The following SLC6A19 variants were observed in gnomAD, a reference collection of about 807,000 sequenced individuals.
SLC6A19 encodes solute carrier family 6 member 19.
SLC6A19 carries 67 observed loss-of-function variants against 68.3 expected under a neutral mutation model. The observed-to-expected ratio is 0.98, with a 90% CI of 0.81 to 1.20. The LOEUF (loss-of-function observed/expected upper bound fraction) is 1.20. Among genes scored for constraint, SLC6A19 ranks in the 50% most tolerant of loss-of-function variants. The probability of loss-of-function intolerance (pLI) is 0.00; values close to 1 mark genes in which losing one functional copy is unlikely to be tolerated. For synonymous variants in SLC6A19, 392 were observed against 374.9 expected (o/e 1.05, Z -0.53); for missense variants, 813 against 851.6 (o/e 0.95, Z 0.56).
At chr5:1,220,850 A>G (rs115841808) in intron 10 of SLC6A19, among the ~76,000 whole-genome samples, 1,951 of 152,268 alleles carry the variant, frequency 0.013, 39 homozygotes, top group African/African-American at 0.045. Context: ...TCCCTCCTCC[A>G]ACCCCCCATT....
In SLC6A19 at chr5:1,212,544, C is replaced by T; in HGVS notation, c.663+60C>T. 2.5e-6 allele frequency: 4 copies of T among 1,587,234 alleles called. No homozygotes were observed. The highest frequency in any genetic ancestry group is 2.2e-5 in the East Asian group (1 of 44,790). Reference sequence around the variant, plus strand: ...CAGAGGGCGGGTGCGGGCAGCCCTGCCTCCGGCCGGCTGCACTCTAAAACC... The same window carrying T: ...CAGAGGGCGGGTGCGGGCAGCCCTGTCTCCGGCCGGCTGCACTCTAAAACC... On this transcript the variant is annotated intron_variant, in intron 4 of 11. Transcript: ENST00000304460. This position sits in a 1 kb window ranked among gnomAD's most constrained non-coding sequence, Gnocchi z 5.1.
In SLC6A19 at chr5:1,216,784, C is replaced by G. The variant is rs753086975; in HGVS notation, c.1017-5C>G. The stretch of plus-strand genomic sequence containing the variant: ...GGTGGCCGTCAGCCTCAATCTGACC[C>G]GCAGGAACATCCTGACCCTCATCAA... On this transcript the variant is annotated splice_polypyrimidine_tract_variant and splice_region_variant and intron_variant, in intron 7 of 11. Transcript: ENST00000304460. 2.1e-5 allele frequency: 34 copies of G among 1,613,640 alleles called. No homozygotes were observed. The highest frequency in any genetic ancestry group is 2.6e-5 in the Non-Finnish European group (31 of 1,180,040).
rs1447976948 is a variant in SLC6A19, at chr5:1,215,442, G to A, written c.888-1116G>A. On this transcript the variant is annotated intron_variant, in intron 6 of 11. Transcript: ENST00000304460. This position sits in a 1 kb window ranked among gnomAD's most constrained non-coding sequence, Gnocchi z 5.1. ...CCTCCTGCCCCGGGTGAGCACTGAT[G>A]CGCTCTCTGCCTCTGTGGCTGTGCC... Among the ~76,000 whole-genome samples the A allele has an allele frequency of 6.6e-6, 1 of 152,222 alleles. No homozygotes were observed. Among genetic ancestry groups the A allele is most frequent in the East Asian group, 1.9e-4 (1 of 5,200 alleles).
In SLC6A19 at chr5:1,216,862, C is replaced by G; in HGVS notation, c.1090C>G (p.Gln364Glu). 1 of 1,613,778 alleles carries G rather than the reference C, an allele frequency of 6.2e-7. No individual in the cohort carries two copies. Among genetic ancestry groups the G allele is most frequent in the Non-Finnish European group, 8.5e-7 (1 of 1,180,036 alleles). Residue 364 changes from glutamine (Q) to glutamate (E), a missense_variant, in exon 8 of 12, where the codon CAG (glutamine) becomes GAG (glutamate). Coordinates refer to ENST00000304460, the MANE Select transcript of SLC6A19 (RefSeq NM_001003841.3). ...GACCCAGGAGAACTTTGTGGACATG[C>G]AGCAGCGGTGCAACGCCTCCGACCC... ...NVTQENFVDM[Q>E]QRCNASDPAA...
chr5:1,219,439 C>G (rs1746302780), intron 9 of SLC6A19, 66 bp from the exon 10 acceptor site: 1 of 1,595,364 alleles, frequency 6.3e-7, no homozygotes, highest in Admixed American at 1.7e-5. Context: ...GTTGTGTGAA[C>G]AGCTCTGTCC....
At chr5:1,203,407 T>TGCGGGCA (rs753609962) in intron 1 of SLC6A19, among the ~76,000 whole-genome samples, 3 of 151,812 alleles carry the variant, frequency 2.0e-5, no homozygotes, top group South Asian at 2.1e-4. Flanking sequence ...GGTGGACAGG[T>TGCGGGCA]GCGGGCAGCG....
At chr5:1,208,603 T>A (rs1274997162) in intron 1 of SLC6A19, 143 bp from the exon 2 acceptor site, 1 of 1,092,018 alleles carries the variant, frequency 9.2e-7, no homozygotes, top group Non-Finnish European at 1.4e-6. Context: ...TCCCATGGAC[T>A]GGCTGCTCCA....
At chr5:1,208,914 G>C (rs752229715) in intron 2 of SLC6A19, 28 bp downstream of exon 2, 2 of 1,596,790 alleles carry the variant, frequency 1.3e-6, no homozygotes, top group South Asian at 2.2e-5. Context: ...GTTCCACCCG[G>C]GCCCAGGGGT....
Position 1,212,204 on chromosome 5 carries a change from C to T in SLC6A19, c.482-99C>T. On this transcript the variant is annotated intron_variant, in intron 3 of 11. Coordinates refer to ENST00000304460, the MANE Select transcript of SLC6A19 (RefSeq NM_001003841.3). This position sits in a 1 kb window ranked among gnomAD's most constrained non-coding sequence, Gnocchi z 5.1. ...TGTGGGCGTGTCACTGGTGTCAAGG[C>T]CTCTGGAACGTGGCTGGCATTTCTT... is the stretch of plus-strand genomic sequence containing the variant. 1 of 1,479,222 alleles carries T rather than the reference C, an allele frequency of 6.8e-7. No homozygotes were observed. Among genetic ancestry groups the T allele is most frequent in the East Asian group, 2.3e-5 (1 of 43,910 alleles). The allele number at this position is 1,479,222 out of a possible 1,614,324, so 91.6% of individuals were successfully genotyped here.
chr5:1,202,682 C>A (rs1292462872), intron 1 of SLC6A19, among the ~76,000 whole-genome samples: 1 of 119,204 alleles, frequency 8.4e-6, no homozygotes, highest in South Asian at 2.5e-4. Flanking sequence ...TGCCCTGGGG[C>A]AGTTCACGGG....
rs781251649 is a variant in SLC6A19 at position 1,212,303 on chromosome 5, G to C, written c.482G>C (p.Gly161Ala). 1 of 1,613,364 alleles carries C rather than the reference G, an allele frequency of 6.2e-7. No homozygotes were observed. The highest frequency in any genetic ancestry group is 8.5e-7 in the Non-Finnish European group (1 of 1,179,932). The change falls in exon 4 of 12, where the codon GGG (glycine) becomes GCG (alanine). Residue 161 changes from glycine (G) to alanine (A), a missense_variant and splice_region_variant. Coordinates refer to ENST00000304460, the MANE Select transcript of SLC6A19 (RefSeq NM_001003841.3). This position sits in a 1 kb window ranked among gnomAD's most constrained non-coding sequence, Gnocchi z 5.1. Reference sequence around the variant, plus strand: ...GGTGTGTGAATGGCCCTCTCCCCAGGGTATGTGGACGAGTGCGCCAGGAGC... The same window carrying C: ...GGTGTGTGAATGGCCCTCTCCCCAGCGTATGTGGACGAGTGCGCCAGGAGC... ...SDCPLNENQT[G>A]YVDECARSSP...
intron 1 of SLC6A19, 81 bp downstream of exon 1, chr5:1,201,933 TC>T: frequency 6.7e-7 from 1 of 1,490,648 alleles, no homozygotes; most frequent in Non-Finnish European, 9.0e-7. Context: ...GCAGACATCC[TC>T]CCCGGACCCT....
In SLC6A19 at chr5:1,209,811, C is replaced by T. The variant is rs1465919803; in HGVS notation, c.344-633C>T. Among the ~76,000 whole-genome samples, 1 of 152,142 alleles carries T rather than the reference C, an allele frequency of 6.6e-6. No homozygotes were observed. The highest frequency in any genetic ancestry group is 1.5e-5 in the Non-Finnish European group (1 of 68,034). Reference sequence around the variant, plus strand: ...CTCTCCCCCTGTCTCTCTTCCCCATCTCACACTCACATATTCACAACACAC... The same window carrying T: ...CTCTCCCCCTGTCTCTCTTCCCCATTTCACACTCACATATTCACAACACAC... On this transcript the variant is annotated intron_variant, in intron 2 of 11. Coordinates refer to ENST00000304460, the MANE Select transcript of SLC6A19 (RefSeq NM_001003841.3). This position sits in a 1 kb window ranked among gnomAD's most constrained non-coding sequence, Gnocchi z 5.5.
chr5:1,208,226 C>T (rs770116341), intron 1 of SLC6A19, among the ~76,000 whole-genome samples: 4 of 152,186 alleles, frequency 2.6e-5, no homozygotes, highest in Non-Finnish European at 4.4e-5. Context: ...ACACGATTGC[C>T]AGGAAACAGC....
chr5:1,221,424 T>TG (rs1746379023), intron 11 of SLC6A19, 111 bp downstream of exon 11: 1 of 1,352,510 alleles, frequency 7.4e-7, no homozygotes, highest in Non-Finnish European at 1.0e-6. Context: ...CCCACACACA[T>TG]GGGCACACAC....
rs1561170401 is a variant in SLC6A19 at position 1,221,749 on chromosome 5, G to A, written c.1750G>A (p.Val584Met). Residue 584 changes from valine (V) to methionine (M), a missense_variant, in exon 12 of 12, where the codon GTG (valine) becomes ATG (methionine). By Grantham distance (21) the Val-to-Met change is conservative (BLOSUM62 1). Coordinates refer to ENST00000304460, the MANE Select transcript of SLC6A19 (RefSeq NM_001003841.3). Reference protein sequence around the residue: ...QKISYPNWVYVVVVIVAGVPS... With the variant: ...QKISYPNWVYMVVVIVAGVPS... ...GATCTCCTACCCGAACTGGGTGTAT[G>A]TGGTGGTGGTGATTGTGGCTGGAGT... The A allele has an allele frequency of 6.2e-7, 1 of 1,614,002 alleles. No individual in the cohort carries two copies. Among genetic ancestry groups the A allele is most frequent in the African/African-American group, 1.3e-5 (1 of 74,936 alleles).
intron 1 of SLC6A19, among the ~76,000 whole-genome samples, chr5:1,205,925 T>C (rs960322901): frequency 2.6e-5 from 4 of 152,198 alleles, no homozygotes; most frequent in Non-Finnish European, 5.9e-5. Context: ...CCTTCTGCCT[T>C]TCATCTCTCG....
chr5:1,210,976 G>A (rs1746012258), intron 3 of SLC6A19, among the ~76,000 whole-genome samples: 1 of 152,200 alleles, frequency 6.6e-6, no homozygotes, highest in Non-Finnish European at 1.5e-5. Flanking sequence ...TGCCCATGTG[G>A]GGCCCGCATT....
rs768901084 is a variant in SLC6A19, at chr5:1,208,899, G to C, written c.343+13G>C. 1 of 1,609,782 alleles carries C rather than the reference G, an allele frequency of 6.2e-7. No individual in the cohort carries two copies. The highest frequency in any genetic ancestry group is 8.5e-7 in the Non-Finnish European group (1 of 1,179,100). ...CTGAAGGGCCTAGGTGAGTGCCTCG[G>C]AGCAGTTCCACCCGGGCCCAGGGGT... On this transcript the variant is annotated intron_variant, in intron 2 of 11. Transcript: ENST00000304460.
Sources: allele counts gnomAD v4.1 joint callset (sites outside exome capture counted in the v4.1 genomes callset), GRCh38; gene constraint gnomAD v4.1.1; non-coding constraint Gnocchi (gnomAD v3.1); transcripts MANE v1.5; gene names NCBI Gene and HGNC (gene_info 2026-07-23, HGNC 2026-07-21).